Variants in ROBO1 observed in about 807,000 individuals in gnomAD.
ROBO1 encodes the protein roundabout homolog 1.
A neutral mutation model predicts 195.9 loss-of-function variants in ROBO1; 149 were observed. That is an observed-to-expected ratio of 0.76 (90% CI 0.67 to 0.87). ROBO1 has a LOEUF of 0.87. ROBO1 is among the 40% of genes least tolerant of loss of function. The probability of loss-of-function intolerance (pLI) is 0.00; values close to 1 mark genes in which losing one functional copy is unlikely to be tolerated. For synonymous variants in ROBO1, 816 were observed against 733.2 expected (o/e 1.11, Z -1.82); for missense variants, 1,933 against 2,068.3 (o/e 0.93, Z 1.27).
At chr3:78,884,664 G>GAAAGAAAGAAA (rs2036422146) in intron 4 of ROBO1, among the ~76,000 whole-genome samples, 1 of 129,306 alleles carries the variant, frequency 7.7e-6, no homozygotes, top group African/African-American at 3.2e-5. Context: ...AGGAAGGAAG[G>GAAAGAAAGAAA]AAGGAAGGAA....
chr3:79,112,378 T>A (rs2079902193), intron 3 of ROBO1, among the ~76,000 whole-genome samples: 1 of 152,044 alleles, frequency 6.6e-6, no homozygotes, highest in Admixed American at 6.6e-5. Context: ...TAGGGTGAGT[T>A]AGGAAGTAAC....
intron 2 of ROBO1, among the ~76,000 whole-genome samples, chr3:79,346,311 A>G: frequency 6.6e-6 from 1 of 152,172 alleles, no homozygotes; most frequent in East Asian, 1.9e-4. Flanking sequence ...TCTTACCAGA[A>G]CTAAGGGGCT....
chr3:79,245,971 T>C (rs1405671756), intron 2 of ROBO1, among the ~76,000 whole-genome samples: 3 of 152,182 alleles, frequency 2.0e-5, no homozygotes, highest in Non-Finnish European at 2.9e-5. Flanking sequence ...CTGACTCAAA[T>C]GGTCCCAAGT....
intron 1 of ROBO1, among the ~76,000 whole-genome samples, chr3:79,638,622 C>T (rs559648609): frequency 6.6e-6 from 1 of 152,048 alleles, no homozygotes; most frequent in Non-Finnish European, 1.5e-5. Flanking sequence ...AGATTAATTT[C>T]TGTGAAAGGA....
chr3:79,019,017 T>C (rs1016311549), intron 3 of ROBO1: 150 of 988,702 alleles, frequency 1.5e-4, no homozygotes, highest in Non-Finnish European at 1.7e-4. Context: ...GTGCCGGGAG[T>C]GTGACTGGGT....
At chr3:79,354,598 A>C (rs1577013907) in intron 2 of ROBO1, among the ~76,000 whole-genome samples, 1 of 152,144 alleles carries the variant, frequency 6.6e-6, no homozygotes, top group South Asian at 2.1e-4. Flanking sequence ...TGGCGCAATA[A>C]CAATTCAAGC....
chr3:78,770,127 TG>T (rs2083334969), intron 4 of ROBO1, among the ~76,000 whole-genome samples: 1 of 152,174 alleles, frequency 6.6e-6, no homozygotes, highest in Non-Finnish European at 1.5e-5. Context: ...TTAGCTCTTT[TG>T]CAGGGCCAGG....
intron 2 of ROBO1, among the ~76,000 whole-genome samples, chr3:79,462,954 A>G (rs77501434): frequency 0.034 from 5,242 of 152,294 alleles, 208 homozygotes; most frequent in African/African-American, 0.098. Flanking sequence ...TTTATCTAAC[A>G]CTTTTAAGAT....
chr3:79,077,353 C>T (rs1219502344), intron 3 of ROBO1, among the ~76,000 whole-genome samples: 1 of 151,678 alleles, frequency 6.6e-6, no homozygotes, highest in Non-Finnish European at 1.5e-5. Flanking sequence ...ATTAATTATC[C>T]TATGATGCAT....
intron 2 of ROBO1, among the ~76,000 whole-genome samples, chr3:79,468,878 A>T (rs1371242193): frequency 6.6e-6 from 1 of 152,174 alleles, no homozygotes; most frequent in Non-Finnish European, 1.5e-5. Context: ...AGTCTCTCTT[A>T]ATTTTAAAAG....
At chr3:79,639,835 T>G (rs558494299) in intron 1 of ROBO1, among the ~76,000 whole-genome samples, 1 of 152,220 alleles carries the variant, frequency 6.6e-6, no homozygotes. Flanking sequence ...ACAGAATTTC[T>G]AAGTACTCCT....
chr3:79,527,436 C>T (rs560470823), intron 2 of ROBO1, among the ~76,000 whole-genome samples: 3 of 151,872 alleles, frequency 2.0e-5, no homozygotes, highest in South Asian at 2.1e-4. Context: ...CATGTACCAC[C>T]GAATCTAAAA....
intron 18 of ROBO1, among the ~76,000 whole-genome samples, chr3:78,656,161 T>C (rs1706999142): frequency 6.6e-6 from 1 of 152,016 alleles, no homozygotes; most frequent in Non-Finnish European, 1.5e-5. Context: ...GAGGCACAAA[T>C]TGTGTTTAAC....
chr3:79,333,160 G>A (rs1424512484), intron 2 of ROBO1, among the ~76,000 whole-genome samples: 1 of 150,528 alleles, frequency 6.6e-6, no homozygotes, highest in Non-Finnish European at 1.5e-5. Context: ...CCGAGACGGC[G>A]CCATTTACTG....
chr3:78,611,630 T>C (rs1292949917), intron 28 of ROBO1, among the ~76,000 whole-genome samples: 1 of 152,210 alleles, frequency 6.6e-6, no homozygotes, highest in Non-Finnish European at 1.5e-5. Flanking sequence ...TTGGCCACAA[T>C]GCCGGGTGTC....
chr3:79,221,860 G>C (rs2082144889), intron 2 of ROBO1, among the ~76,000 whole-genome samples: 1 of 151,948 alleles, frequency 6.6e-6, no homozygotes, highest in Non-Finnish European at 1.5e-5. Context: ...GAAATAATAT[G>C]GTTATCTCTC....
intron 1 of ROBO1, among the ~76,000 whole-genome samples, chr3:79,700,656 G>C (rs1947596812): frequency 6.6e-6 from 1 of 151,608 alleles, no homozygotes; most frequent in Non-Finnish European, 1.5e-5. Flanking sequence ...ATGTTTGTTG[G>C]CCACCTGTAT....
chr3:79,119,087 T>A (rs2080067678), intron 3 of ROBO1, among the ~76,000 whole-genome samples: 1 of 152,142 alleles, frequency 6.6e-6, no homozygotes, highest in African/African-American at 2.4e-5. Context: ...ACATATATAT[T>A]TGTTCACTTG....
chr3:79,642,142 T>A (rs1945683371), intron 1 of ROBO1, among the ~76,000 whole-genome samples: 1 of 152,172 alleles, frequency 6.6e-6, no homozygotes, highest in South Asian at 2.1e-4. Flanking sequence ...GCTGAAAAGT[T>A]CTTTAGAGGC....
Sources: allele counts gnomAD v4.1 joint callset (sites outside exome capture counted in the v4.1 genomes callset), GRCh38; gene constraint gnomAD v4.1.1; transcripts MANE v1.5; gene names NCBI Gene and HGNC (gene_info 2026-07-23, HGNC 2026-07-21).